The following UAP1L1 variants were observed in gnomAD, a reference collection of about 807,000 sequenced individuals.
UAP1L1 encodes UDP-N-acetylglucosamine pyrophosphorylase 1 like 1.
UAP1L1 carries 45 observed loss-of-function variants against 45.3 expected under a neutral mutation model. The ratio of observed to expected loss-of-function variants is 0.99; its 90% CI spans 0.78 to 1.27. UAP1L1 has a LOEUF of 1.27. Ranked by LOEUF, UAP1L1 falls within the 50% of genes most tolerant of loss-of-function variation. The pLI is 0.00. For synonymous variants in UAP1L1, 323 were observed against 303.9 expected, an observed-to-expected ratio of 1.06 and a Z score of -0.65; for missense variants, 667 against 694.0, an observed-to-expected ratio of 0.96 and a Z score of 0.44.
chr9:137,080,015 TTGCTGAAGCCA>T lies in UAP1L1; in HGVS notation c.1052_1062del (p.Leu351SerfsTer12). Reference sequence around the variant, plus strand: ...CCCGTGCCCCAGGGAGTTTGAGCCTTTGCTGAAGCCACACGTGGCTGTGAAGAAGGTCCCGT... The same window carrying T: ...CCCGTGCCCCAGGGAGTTTGAGCCTTCACGTGGCTGTGAAGAAGGTCCCGT... On this transcript the variant is annotated frameshift_variant, in exon 6 of 9. Transcript: ENST00000409858. LOFTEE classifies it high-confidence loss of function. The T allele has an allele frequency of 6.2e-7, 1 of 1,613,824 alleles. No homozygotes were observed. Among genetic ancestry groups the T allele is most frequent in the Non-Finnish European group, 8.5e-7 (1 of 1,179,940 alleles).
At chr9:137,079,719 C>T in intron 5 of UAP1L1, 1 of 584,736 alleles carries the variant, frequency 1.7e-6, no homozygotes, top group Non-Finnish European at 3.0e-6. Context: ...TGGGGACCTG[C>T]CCTGGTGCCC....
chr9:137,080,738 A>G lies in UAP1L1; in HGVS notation c.1228A>G (p.Lys410Glu), dbSNP rs369945459. The change falls in exon 7 of 9, where the codon AAG (lysine) becomes GAG (glutamate). Residue 410 changes from lysine (K) to glutamate (E), a missense_variant. Lys to Glu is a moderately conservative substitution (Grantham distance 56, BLOSUM62 1). Transcript: ENST00000409858. Reference sequence around the variant, plus strand: ...GCGGGAGGAGGAATTTTCCCCACTGAAGAACGCAGAGCCAGCCGACAGGGA... The same window carrying G: ...GCGGGAGGAGGAATTTTCCCCACTGGAGAACGCAGAGCCAGCCGACAGGGA... ...VLREEEFSPL[K>E]NAEPADRDSP... 1.2e-6 allele frequency: 2 copies of G among 1,612,610 alleles called. No homozygotes were observed. The highest frequency in any genetic ancestry group is 1.7e-6 in the Non-Finnish European group (2 of 1,179,850).
chr9:137,080,221 G>A, intron 6 of UAP1L1, 79 bp downstream of exon 6: 20 of 1,570,836 alleles, frequency 1.3e-5, no homozygotes, highest in East Asian at 2.2e-5. Context: ...CAGCTGGTAG[G>A]GAAGTAGAGG....
chr9:137,082,625 G>A lies in UAP1L1; in HGVS notation c.1432-12G>A. 6.4e-7 allele frequency: 1 copy of A among 1,550,878 alleles called. No homozygotes were observed. Among genetic ancestry groups the A allele is most frequent in the Non-Finnish European group, 8.7e-7 (1 of 1,146,410 alleles). On this transcript the variant is annotated splice_polypyrimidine_tract_variant and intron_variant, in intron 8 of 8. Transcript: ENST00000409858. This position sits in a 1 kb window ranked among gnomAD's most constrained non-coding sequence, Gnocchi z 5.7. ...GGTGGGTACTTGGCCATTGTCCCCT[G>A]CTCGTCTCCAGGGTTTAGAAGTGTA...
chr9:137,079,499 G>C, intron 5 of UAP1L1, 50 bp downstream of exon 5: 1 of 1,530,516 alleles, frequency 6.5e-7, no homozygotes. Flanking sequence ...CGCCTGCGTT[G>C]ACCAGGGACC....
At chr9:137,079,541 C>A in intron 5 of UAP1L1, 92 bp downstream of exon 5, 2 of 1,292,578 alleles carry the variant, frequency 1.5e-6, no homozygotes, top group South Asian at 1.4e-5. Flanking sequence ...GTGCCCTGGG[C>A]CACAGCGGCT....
Position 137,083,770 on chromosome 9 carries a change from C to T in UAP1L1, c.*1041C>T, listed in dbSNP as rs1447214133. 1.3e-5 allele frequency: 2 copies of T among 152,256 alleles called. No homozygotes were observed. Among genetic ancestry groups the T allele is most frequent in the Middle Eastern group, 3.2e-3 (1 of 316 alleles). The allele number at this position is 152,256 out of a possible 1,614,324, so 9.4% of individuals were successfully genotyped here. A position where few individuals can be genotyped will look rare whatever the true frequency, so the allele number is the denominator to read the frequency against. On this transcript the variant is annotated 3_prime_UTR_variant, in exon 9 of 9. Transcript: ENST00000409858. ...CTCATCTCAGGGGAGGCAGTGGCACCTCCCTCTCCCTGCTGACATGAAGAG... is the reference window on the plus strand; with the variant it reads ...CTCATCTCAGGGGAGGCAGTGGCACTTCCCTCTCCCTGCTGACATGAAGAG...
intron 7 of UAP1L1, among the ~76,000 whole-genome samples, chr9:137,081,120 A>C (rs1832782159): frequency 6.6e-6 from 1 of 151,878 alleles, no homozygotes; most frequent in African/African-American, 2.4e-5. Context: ...GGGCTCCCCA[A>C]CTCCCTCCCC....
At chr9:137,079,538 G>A in intron 5 of UAP1L1, 89 bp downstream of exon 5, 1 of 1,315,414 alleles carries the variant, frequency 7.6e-7, no homozygotes, top group Non-Finnish European at 1.0e-6. Flanking sequence ...TGAGTGCCCT[G>A]GGCCACAGCG....
intron 7 of UAP1L1, 105 bp from the exon 8 acceptor site, chr9:137,081,893 G>T: frequency 9.4e-7 from 1 of 1,068,678 alleles, no homozygotes. Context: ...AGGAGCTGTG[G>T]GGAGCCAGGT....
chr9:137,082,716 T>G lies in UAP1L1; in HGVS notation c.1511T>G (p.Leu504Arg). 6.5e-7 allele frequency: 1 copy of G among 1,550,088 alleles called. No homozygotes were observed. The highest frequency in any genetic ancestry group is 8.7e-7 in the Non-Finnish European group (1 of 1,147,128). ...LDEDQAREPQ[L>R]QES is the part of the protein sequence containing the mutation. ...GAAGACCAGGCCAGGGAGCCGCAGCTGCAGGAGTCCTGACCCGCCCAGACT... is the reference window on the plus strand; with the variant it reads ...GAAGACCAGGCCAGGGAGCCGCAGCGGCAGGAGTCCTGACCCGCCCAGACT... Residue 504 changes from leucine (L) to arginine (R), a missense_variant, in exon 9 of 9, where the codon CTG becomes CGG. Physicochemically the swap from Leu to Arg is moderately radical, Grantham distance 102 (BLOSUM62 -2). Coordinates refer to ENST00000409858, the MANE Select transcript of UAP1L1 (RefSeq NM_207309.3). The surrounding 1 kb of genome is among the most constrained non-coding windows in gnomAD (Gnocchi z 5.7).
intron 7 of UAP1L1, 125 bp downstream of exon 7, chr9:137,080,999 C>T (rs1195384250): frequency 5.0e-6 from 5 of 1,000,736 alleles, no homozygotes; most frequent in Non-Finnish European, 7.1e-6. Context: ...CCCGGCACCA[C>T]CGCAGGTGCA....
At chr9:137,081,102 G>A (rs1281773384) in intron 7 of UAP1L1, among the ~76,000 whole-genome samples, 1 of 152,206 alleles carries the variant, frequency 6.6e-6, no homozygotes, top group Non-Finnish European at 1.5e-5. Flanking sequence ...GTGCACTGAG[G>A]GAGGCAGGGG....
rs1832769835 is a variant in UAP1L1, at chr9:137,080,241, G to T, written c.1178+99G>T. 9 of 1,500,566 alleles carry T rather than the reference G, an allele frequency of 6.0e-6. No homozygotes were observed. In the South Asian group the frequency reaches 1.0e-4, roughly 17 times the overall value. 93.0% of individuals were successfully genotyped at this position (1,500,566 alleles called of 1,614,324 possible). A position where few individuals can be genotyped will look rare whatever the true frequency, so the allele number is the denominator to read the frequency against. On this transcript the variant is annotated intron_variant, in intron 6 of 8. Transcript: ENST00000409858. ...GGTAGGGAAGTAGAGGCTTGAGGGA[G>T]CCAAGGGCCCCGCGGGCAAGTCTCA...
At chr9:137,078,346 A>C in intron 2 of UAP1L1, 92 bp downstream of exon 2, 1 of 1,542,404 alleles carries the variant, frequency 6.5e-7, no homozygotes, top group Non-Finnish European at 8.8e-7. Flanking sequence ...ACCCCGGCAC[A>C]GACCGGGACA....
chr9:137,078,701 G>T (rs1173939991), intron 3 of UAP1L1, 24 bp downstream of exon 3: 1 of 1,600,544 alleles, frequency 6.2e-7, no homozygotes. Context: ...CTGAGACGGG[G>T]AGGGACCGCC....
intron 6 of UAP1L1, chr9:137,080,426 T>C: frequency 1.7e-6 from 1 of 588,574 alleles, no homozygotes; most frequent in Non-Finnish European, 3.0e-6. Flanking sequence ...CTGGCCAGGT[T>C]GCCAGGGCGG....
rs372935141 is a variant in UAP1L1 at position 137,078,552 on chromosome 9, G to A, written c.545G>A (p.Arg182Lys). Residue 182 changes from arginine (R) to lysine (K), a missense_variant, in exon 3 of 9, where the codon AGG becomes AAG. Physicochemically the swap from Arg to Lys is conservative, Grantham distance 26. Transcript: ENST00000409858. ...CTGGGGCCCACGGCCGAGTTCTTCA[G>A]GGAGCACAACTTCTTCCACCTGGAC... ...FTLGPTAEFF[R>K]EHNFFHLDPA... The A allele has an allele frequency of 4.3e-6, 7 of 1,613,130 alleles. No homozygotes were observed. The highest frequency in any genetic ancestry group is 2.2e-5 in the East Asian group (1 of 44,902).
Position 137,083,420 on chromosome 9 carries a change from TC to T in UAP1L1, c.*693del, listed in dbSNP as rs972996095. The T allele has an allele frequency of 2.6e-5, 4 of 152,454 alleles. No homozygotes were observed. The highest frequency in any genetic ancestry group is 4.4e-5 in the Non-Finnish European group (3 of 68,218). 9.4% of individuals were successfully genotyped at this position (152,454 alleles called of 1,614,324 possible). A position where few individuals can be genotyped will look rare whatever the true frequency, so the allele number is the denominator to read the frequency against. ...GGACACCTGAGCCTGCGGCCGGTAC[TC>T]CTGCCTTCTCCCCATCTATCCCCAA... On this transcript the variant is annotated 3_prime_UTR_variant, in exon 9 of 9. Transcript: ENST00000409858.
Sources: allele counts gnomAD v4.1 joint callset (sites outside exome capture counted in the v4.1 genomes callset), GRCh38; gene constraint gnomAD v4.1.1; non-coding constraint Gnocchi (gnomAD v3.1); transcripts MANE v1.5; gene names NCBI Gene and HGNC (gene_info 2026-07-23, HGNC 2026-07-21).